The following ADK variants were observed in gnomAD, a reference collection of about 807,000 sequenced individuals.
ADK encodes N6,N6-dimethyladenosine kinase.
A neutral mutation model predicts 44.7 loss-of-function variants in ADK; 24 were observed. That is an observed-to-expected ratio of 0.54 (90% confidence interval 0.39 to 0.76). The LOEUF (loss-of-function observed/expected upper bound fraction) is 0.76. Among genes scored for constraint, ADK ranks in the 30% least tolerant of loss-of-function variants. ADK has a pLI of 0.00. For synonymous variants in ADK, 128 were observed against 142.6 expected (o/e 0.90, Z 0.73); for missense variants, 321 against 425.1 (o/e 0.76, Z 2.15).
At chr10:74,491,137 C>CA (rs572482861) in intron 6 of ADK, among the ~76,000 whole-genome samples, 1 of 152,056 alleles carries the variant, frequency 6.6e-6, no homozygotes, top group South Asian at 2.1e-4. Flanking sequence ...AATGGACACA[C>CA]AAAAAAACAC....
At chr10:74,371,978 T>G in intron 4 of ADK, 1 of 838,186 alleles carries the variant, frequency 1.2e-6, no homozygotes. Context: ...TTGCTTTGTG[T>G]AACACAGATT....
intron 3 of ADK, among the ~76,000 whole-genome samples, chr10:74,272,111 C>T (rs921579205): frequency 2.0e-5 from 3 of 152,018 alleles, no homozygotes; most frequent in Non-Finnish European, 4.4e-5. Flanking sequence ...GGAAGTGTTG[C>T]TAATATATTT....
chr10:74,382,746 T>C (rs2132010269), intron 4 of ADK, among the ~76,000 whole-genome samples: 1 of 152,248 alleles, frequency 6.6e-6, no homozygotes, highest in South Asian at 2.1e-4. Context: ...TTTGATGAAT[T>C]TGACTCAGTT....
At chr10:74,411,921 G>A (rs1844193429) in intron 6 of ADK, among the ~76,000 whole-genome samples, 1 of 152,220 alleles carries the variant, frequency 6.6e-6, no homozygotes, top group East Asian at 1.9e-4. Context: ...ACCAGGAGTA[G>A]ATTCCATGTC....
chr10:74,269,571 T>C (rs1363372060), intron 3 of ADK, among the ~76,000 whole-genome samples: 1 of 152,230 alleles, frequency 6.6e-6, no homozygotes, highest in East Asian at 1.9e-4. Context: ...TTCTGTACTA[T>C]GTTTGTTGTA....
intron 1 of ADK, among the ~76,000 whole-genome samples, chr10:74,175,397 G>A (rs1159932529): frequency 6.6e-6 from 1 of 150,698 alleles, no homozygotes; most frequent in Non-Finnish European, 1.5e-5. Flanking sequence ...AAAGTGAAAT[G>A]TAGTCCAACT....
At chr10:74,426,433 C>T (rs1168015818) in intron 6 of ADK, among the ~76,000 whole-genome samples, 1 of 152,112 alleles carries the variant, frequency 6.6e-6, no homozygotes, top group African/African-American at 2.4e-5. Context: ...TAAAAGCTAT[C>T]TGTTTTTATA....
At chr10:74,459,280 C>CAA (rs1033294145) in intron 6 of ADK, among the ~76,000 whole-genome samples, 1 of 115,744 alleles carries the variant, frequency 8.6e-6, no homozygotes. Context: ...GACCTCATCT[C>CAA]AAAAAAAAAA....
rs191322515 is a variant in ADK, at chr10:74,291,863, C to T, written c.195-22804C>T. ...CTCATCTGTACAGTATTTTGTTCTTCGTGACTTTTCTTGCAGGAATGAAAG... is the reference window on the plus strand; with the variant it reads ...CTCATCTGTACAGTATTTTGTTCTTTGTGACTTTTCTTGCAGGAATGAAAG... On this transcript the variant is annotated intron_variant, in intron 3 of 10. Coordinates refer to ENST00000539909, the MANE Select transcript of ADK (RefSeq NM_006721.4). 7.9e-5 allele frequency among the ~76,000 whole-genome samples: 12 copies of T among 151,756 alleles called. No individual in the cohort carries two copies. The South Asian group carries it at 8.4e-4, about 11-fold the overall frequency.
intron 3 of ADK, 76 bp downstream of exon 3, chr10:74,224,667 G>A (rs1844461691): frequency 5.0e-6 from 6 of 1,209,632 alleles, no homozygotes; most frequent in Non-Finnish European, 7.3e-6. Context: ...TAAATTATCT[G>A]ATTTTCAAAA....
At chr10:74,328,952 C>G (rs1841115149) in intron 4 of ADK, among the ~76,000 whole-genome samples, 1 of 151,686 alleles carries the variant, frequency 6.6e-6, no homozygotes, top group East Asian at 1.9e-4. Flanking sequence ...TGAGAAGATA[C>G]TAATTGTGAC....
intron 4 of ADK, among the ~76,000 whole-genome samples, chr10:74,364,001 C>T (rs1039955944): frequency 3.9e-5 from 6 of 152,190 alleles, no homozygotes; most frequent in Non-Finnish European, 8.8e-5. Flanking sequence ...CCCCTTGTCT[C>T]ATTGACTCAG....
chr10:74,200,543 T>G (rs1843341532), intron 1 of ADK, among the ~76,000 whole-genome samples: 1 of 152,092 alleles, frequency 6.6e-6, no homozygotes, highest in Non-Finnish European at 1.5e-5. Context: ...CTCATTGTAG[T>G]TTTGATTTGC....
At chr10:74,204,779 C>T (rs1843527324) in intron 2 of ADK, among the ~76,000 whole-genome samples, 1 of 152,138 alleles carries the variant, frequency 6.6e-6, no homozygotes, top group Non-Finnish European at 1.5e-5. Context: ...CGTGGTGGCT[C>T]ACGCCTGTAA....
chr10:74,178,309 G>C (rs1842421266), intron 1 of ADK, among the ~76,000 whole-genome samples: 1 of 152,148 alleles, frequency 6.6e-6, no homozygotes, highest in African/African-American at 2.4e-5. Flanking sequence ...AGATTCAGGT[G>C]CTGAAACATG....
chr10:74,549,811 A>G (rs1210743484), intron 7 of ADK, among the ~76,000 whole-genome samples: 1 of 152,204 alleles, frequency 6.6e-6, no homozygotes, highest in African/African-American at 2.4e-5. Flanking sequence ...TATGTAAAAT[A>G]TACACAGGCG....
intron 9 of ADK, among the ~76,000 whole-genome samples, chr10:74,658,816 T>G (rs1408836180): frequency 3.3e-5 from 5 of 152,168 alleles, no homozygotes; most frequent in Middle Eastern, 3.4e-3. Context: ...TATAGTAAGA[T>G]TAAAGTGATA....
At chr10:74,265,296 A>G (rs764412685) in intron 3 of ADK, among the ~76,000 whole-genome samples, 2 of 151,848 alleles carry the variant, frequency 1.3e-5, no homozygotes, top group African/African-American at 4.8e-5. Context: ...GCTCACTGCA[A>G]CCTCTGCTTC....
At chr10:74,686,128 A>G (rs151296442) in intron 10 of ADK, among the ~76,000 whole-genome samples, 2,646 of 151,872 alleles carry the variant, frequency 0.017, 70 homozygotes, top group African/African-American at 0.061. Flanking sequence ...CGCCTGGCTA[A>G]TTTTTTGTAT....
Sources: gnomAD v4.1 joint callset for allele counts (sites outside exome capture counted in the v4.1 genomes callset) on GRCh38, gnomAD v4.1.1 for gene constraint, MANE v1.5 for transcripts, NCBI Gene and HGNC (gene_info 2026-07-23, HGNC 2026-07-21) for gene names.